Variants in ZSCAN18 observed in about 807,000 individuals in gnomAD.
The protein encoded by ZSCAN18 is zinc finger and SCAN domain-containing protein 18.
In ZSCAN18, 16 loss-of-function variants were observed where a neutral mutation model predicts 31.1. That is an observed-to-expected ratio of 0.51 (90% CI 0.35 to 0.78). The LOEUF (loss-of-function observed/expected upper bound fraction) is 0.78. ZSCAN18 is among the 30% of genes least tolerant of loss of function. The pLI is 0.01. For synonymous variants in ZSCAN18, 375 were observed against 320.7 expected, an observed-to-expected ratio of 1.17 and a Z score of -1.81; for missense variants, 731 against 697.4, an observed-to-expected ratio of 1.05 and a Z score of -0.54.
At chr19:58,115,980 C>CA (rs887268203) in intron 1 of ZSCAN18, among the ~76,000 whole-genome samples, 6 of 151,148 alleles carry the variant, frequency 4.0e-5, no homozygotes, top group Admixed American at 3.3e-4. Flanking sequence ...AAAGGCAAGA[C>CA]AAAAAAAACT....
At position 58,086,064 on chromosome 19, in the gene ZSCAN18, G is replaced by A. The variant is rs150940701; in HGVS notation, c.838+110C>T. ...ACGGTGGTGGGAGAATGGTGAAGCAGTCAATGCTGAGGTCTTTGCTGGGGC... is the reference window on the plus strand; with the variant it reads ...ACGGTGGTGGGAGAATGGTGAAGCAATCAATGCTGAGGTCTTTGCTGGGGC... On this transcript the variant is annotated intron_variant, in intron 6 of 6. Transcript: ENST00000601144. The A allele has an allele frequency of 4.0e-4, 329 of 832,486 alleles. 2 individuals carry two copies. In the East Asian group the frequency reaches 7.4e-3, roughly 19 times the overall value. The allele number at this position is 832,486 out of a possible 1,614,324, so 51.6% of individuals were successfully genotyped here.
At chr19:58,086,459 C>A (rs754303995) in intron 5 of ZSCAN18, 193 bp from the exon 6 acceptor site, 1 of 523,794 alleles carries the variant, frequency 1.9e-6, no homozygotes, top group Non-Finnish European at 3.4e-6. Context: ...GGAAGGGCAA[C>A]GGGGCAGGCG....
intron 1 of ZSCAN18, chr19:58,107,513 A>G (rs2074644097): frequency 3.2e-6 from 1 of 314,014 alleles, no homozygotes; most frequent in African/African-American, 2.2e-5. Context: ...GGGAGCTGAG[A>G]TCACACTACT....
upstream of ZSCAN18, chr19:58,098,500 A>T (rs11880787): frequency 2.9e-3 from 1,674 of 572,040 alleles, 28 homozygotes; most frequent in African/African-American, 0.029. Flanking sequence ...TGAGAAACGG[A>T]GAAACAAAGA....
At chr19:58,118,128 C>T (rs927402591) in intron 1 of ZSCAN18, 3 of 423,620 alleles carry the variant, frequency 7.1e-6, no homozygotes, top group Non-Finnish European at 1.3e-5. Flanking sequence ...GTTCCTCACG[C>T]CCGCCCCGCC....
rs367578205 is a variant in ZSCAN18 at position 58,084,369 on chromosome 19, A to C, written c.*316T>G. On this transcript the variant is annotated 3_prime_UTR_variant, in exon 7 of 7. Coordinates refer to ENST00000601144, the MANE Select transcript of ZSCAN18 (RefSeq NM_001145543.2). This position sits in a 1 kb window ranked among gnomAD's most constrained non-coding sequence, Gnocchi z 4.5. ...CTGGCAGATCACGCACTTTAAGGCAACTCTACACTGCACAATGTCAAATAA... is the reference window on the plus strand; with the variant it reads ...CTGGCAGATCACGCACTTTAAGGCACCTCTACACTGCACAATGTCAAATAA... 26 of 300,194 alleles carry C rather than the reference A, an allele frequency of 8.7e-5. No homozygotes were observed. The highest frequency in any genetic ancestry group is 2.4e-4 in the South Asian group (2 of 8,324). The allele number at this position is 300,194 out of a possible 1,614,324, so 18.6% of individuals were successfully genotyped here.
At chr19:58,113,567 C>A (rs1247610834) in intron 1 of ZSCAN18, among the ~76,000 whole-genome samples, 7 of 152,134 alleles carry the variant, frequency 4.6e-5, no homozygotes, top group African/African-American at 1.7e-4. Flanking sequence ...TATTTAGGAA[C>A]AGGGGAGGCA....
intron 1 of ZSCAN18, chr19:58,109,243 G>T: frequency 8.1e-7 from 1 of 1,231,616 alleles, no homozygotes; most frequent in Non-Finnish European, 1.0e-6. Context: ...TCACCAAATT[G>T]GATAGTTCCT....
chr19:58,103,257 G>A (rs2074609458), intron 1 of ZSCAN18, among the ~76,000 whole-genome samples: 1 of 152,212 alleles, frequency 6.6e-6, no homozygotes, highest in Non-Finnish European at 1.5e-5. Context: ...TAGGTTCTGT[G>A]TCACGACTAA....
intron 1 of ZSCAN18, among the ~76,000 whole-genome samples, chr19:58,097,299 C>T (rs1285353622): frequency 6.6e-6 from 1 of 151,572 alleles, no homozygotes; most frequent in Non-Finnish European, 1.5e-5. Context: ...ATAGTCTGGA[C>T]GGGGGTAGAG....
At chr19:58,113,629 T>C (rs12980623) in intron 1 of ZSCAN18, among the ~76,000 whole-genome samples, 19,164 of 152,120 alleles carry the variant, frequency 0.13, 1,535 homozygotes, top group Middle Eastern at 0.23. Context: ...CTAAATGAGT[T>C]TGGAGTCCCA....
In ZSCAN18 at chr19:58,084,872, G is replaced by A. The variant is rs1166742722; in HGVS notation, c.1346C>T (p.Thr449Ile). 2 of 1,600,008 alleles carry A rather than the reference G, an allele frequency of 1.2e-6. No homozygotes were observed. The highest frequency in any genetic ancestry group is 1.7e-5 in the Admixed American group (1 of 58,112). The stretch of plus-strand genomic sequence containing the variant: ...GGCTAGGGCCAGGCTGAAGTGGAAG[G>A]TCTTCCAGCAGCCCTGACAGGCGTA... ...KRYACQGCWKTFHFSLALAEH... is the reference protein window; with the variant it reads ...KRYACQGCWKIFHFSLALAEH... The change falls in exon 7 of 7, where the codon ACC becomes ATC. Residue 449 changes from threonine to isoleucine, a missense_variant. Physicochemically the swap from Thr to Ile is moderately conservative, Grantham distance 89 (BLOSUM62 -1). This residue lies in a region of ZSCAN18 where 597 missense variants were observed against 499.5 expected (regional missense o/e 1.20). Coordinates refer to ENST00000601144, the MANE Select transcript of ZSCAN18 (RefSeq NM_001145543.2). The surrounding 1 kb of genome is among the most constrained non-coding windows in gnomAD (Gnocchi z 4.5).
At position 58,086,710 on chromosome 19, in the gene ZSCAN18, T is replaced by G. The variant is rs2074287959; in HGVS notation, c.745+196A>C. The stretch of plus-strand genomic sequence containing the variant: ...AGGCTTCAGTCCTACAGGCAGGGCC[T>G]GGGCAGAACTCAGATGTTTAGATCA... On this transcript the variant is annotated intron_variant, in intron 5 of 6. Coordinates refer to ENST00000601144, the MANE Select transcript of ZSCAN18 (RefSeq NM_001145543.2). The G allele has an allele frequency of 7.0e-6, 4 of 569,170 alleles. No homozygotes were observed. In the East Asian group the frequency reaches 9.0e-5, roughly 13 times the overall value. The allele number at this position is 569,170 out of a possible 1,614,324, so 35.3% of individuals were successfully genotyped here. A position where few individuals can be genotyped will look rare whatever the true frequency, so the allele number is the denominator to read the frequency against.
Position 58,109,145 on chromosome 19 carries a change from T to C in ZSCAN18, c.130+9122A>G, listed in dbSNP as rs145019552. Reference sequence around the variant, plus strand: ...TGCCTCAAATGCACCTCTGGATTTCTATGGAGCATTTCTACCTGGTCCTCA... The same window carrying C: ...TGCCTCAAATGCACCTCTGGATTTCCATGGAGCATTTCTACCTGGTCCTCA... On this transcript the variant is annotated intron_variant, in intron 1 of 1. Transcript: ENST00000595721. The C allele has an allele frequency of 8.8e-4, 1,079 of 1,229,914 alleles. 9 individuals carry two copies. In the African/African-American group the frequency reaches 0.015, roughly 18 times the overall value. The allele number at this position is 1,229,914 out of a possible 1,614,324, so 76.2% of individuals were successfully genotyped here. A position where few individuals can be genotyped will look rare whatever the true frequency, so the allele number is the denominator to read the frequency against.
intron 4 of ZSCAN18, 88 bp downstream of exon 4, chr19:58,087,228 C>G: frequency 7.3e-7 from 1 of 1,377,896 alleles, no homozygotes. Context: ...TTTGGGGCCA[C>G]AGCCCTCTGC....
intron 1 of ZSCAN18, among the ~76,000 whole-genome samples, chr19:58,113,404 C>T (rs936797692): frequency 3.3e-5 from 5 of 151,852 alleles, no homozygotes; most frequent in East Asian, 1.9e-4. Context: ...CAATCAGATA[C>T]GCATTTGTGT....
intron 1 of ZSCAN18, among the ~76,000 whole-genome samples, chr19:58,110,299 T>C (rs951570752): frequency 2.6e-5 from 4 of 152,108 alleles, no homozygotes; most frequent in Non-Finnish European, 4.4e-5. Flanking sequence ...GAAATCATCT[T>C]CCACTCTCCT....
intron 1 of ZSCAN18, among the ~76,000 whole-genome samples, chr19:58,093,575 T>C (rs537726929): frequency 1.2e-4 from 19 of 152,280 alleles, no homozygotes; most frequent in Non-Finnish European, 2.5e-4. Flanking sequence ...CGCTTTCTCA[T>C]GATTTAATCT....
upstream of ZSCAN18, among the ~76,000 whole-genome samples, chr19:58,100,124 A>T (rs1215274442): frequency 6.9e-6 from 1 of 144,238 alleles, no homozygotes; most frequent in Non-Finnish European, 1.5e-5. Flanking sequence ...ATACCCAGCT[A>T]ATTTTTTTTT....
Sources: allele counts gnomAD v4.1 joint callset (sites outside exome capture counted in the v4.1 genomes callset), GRCh38; gene constraint gnomAD v4.1.1; regional missense constraint gnomAD v4.1.1; non-coding constraint Gnocchi (gnomAD v3.1); transcripts MANE v1.5; gene names NCBI Gene and HGNC (gene_info 2026-07-23, HGNC 2026-07-21).